RNF220: variants seen among roughly 807,000 people sequenced by gnomAD.
RNF220 encodes ring finger protein 220, also known as E3 ubiquitin-protein ligase RNF220.
Under a neutral mutation model 67.1 loss-of-function variants are expected in RNF220, and 7 were observed. The observed-to-expected ratio is 0.10, with a 90% confidence interval of 0.06 to 0.20. RNF220 has a LOEUF of 0.20. Ranked by LOEUF, RNF220 falls within the 10% of genes least tolerant of loss-of-function variation. The pLI is 1.00. For missense variants in RNF220, 565 were observed against 740.3 expected (o/e 0.76, Z 2.75); for synonymous variants, 270 against 283.2 (o/e 0.95, Z 0.47).
chr1:44,573,901 C>G (rs1467146462), intron 2 of RNF220, among the ~76,000 whole-genome samples: 1 of 152,124 alleles, frequency 6.6e-6, no homozygotes, highest in African/African-American at 2.4e-5. Context: ...ATTGCTTGAG[C>G]CCAGGAGTTC....
At chr1:44,596,054 A>G (rs1033792692) in intron 2 of RNF220, among the ~76,000 whole-genome samples, 6 of 152,160 alleles carry the variant, frequency 3.9e-5, no homozygotes, top group Non-Finnish European at 7.3e-5. Context: ...GTGCGCCGCC[A>G]TGCCTGGCCG....
At chr1:44,537,731 CT>C (rs1477754286) in intron 2 of RNF220, among the ~76,000 whole-genome samples, 2 of 152,224 alleles carry the variant, frequency 1.3e-5, no homozygotes, top group African/African-American at 4.8e-5. Context: ...TCTTTCCATC[CT>C]GACCCACCTC....
chr1:44,640,879 G>A (rs912698258), intron 8 of RNF220, among the ~76,000 whole-genome samples: 4 of 152,178 alleles, frequency 2.6e-5, no homozygotes, highest in South Asian at 4.1e-4. Context: ...GGAGGGCCCC[G>A]AGACGTTTCC....
intron 2 of RNF220, among the ~76,000 whole-genome samples, chr1:44,440,183 C>G (rs1400240797): frequency 6.6e-6 from 1 of 152,212 alleles, no homozygotes; most frequent in Non-Finnish European, 1.5e-5. Flanking sequence ...TTTATTTCAT[C>G]AGTCCCATCA....
intron 2 of RNF220, among the ~76,000 whole-genome samples, chr1:44,591,590 G>T (rs1666117297): frequency 6.6e-6 from 1 of 152,224 alleles, no homozygotes; most frequent in African/African-American, 2.4e-5. Context: ...GTGGTTAGAG[G>T]CATGGCCAGA....
At chr1:44,543,601 G>A (rs1661861150) in intron 2 of RNF220, among the ~76,000 whole-genome samples, 1 of 151,990 alleles carries the variant, frequency 6.6e-6, no homozygotes, top group East Asian at 1.9e-4. Context: ...GCACGGAAGG[G>A]GCTAGTCACA....
intron 2 of RNF220, among the ~76,000 whole-genome samples, chr1:44,559,103 T>G (rs1663352462): frequency 6.6e-6 from 1 of 152,254 alleles, no homozygotes; most frequent in South Asian, 2.1e-4. Context: ...AAGTGCTCAT[T>G]AAACTTGCCT....
chr1:44,429,708 T>A (rs531347986), intron 2 of RNF220, among the ~76,000 whole-genome samples: 4 of 152,358 alleles, frequency 2.6e-5, no homozygotes, highest in African/African-American at 9.6e-5. Context: ...ATTTGTTTGA[T>A]GGCCTACAGT....
intron 2 of RNF220, among the ~76,000 whole-genome samples, chr1:44,495,004 G>A (rs939884566): frequency 2.6e-5 from 4 of 152,094 alleles, no homozygotes; most frequent in African/African-American, 9.7e-5. Flanking sequence ...CTTGAGCCCA[G>A]GAGTTCAAGA....
At chr1:44,406,720 C>A (rs958582835) in intron 1 of RNF220, among the ~76,000 whole-genome samples, 10 of 142,916 alleles carry the variant, frequency 7.0e-5, no homozygotes, top group Non-Finnish European at 1.1e-4. Context: ...CTTTTCAGGG[C>A]TCGGCCTGGG....
At chr1:44,497,693 C>CT (rs1267383362) in intron 2 of RNF220, among the ~76,000 whole-genome samples, 1 of 152,180 alleles carries the variant, frequency 6.6e-6, no homozygotes, top group Non-Finnish European at 1.5e-5. Flanking sequence ...ATCCCCATCC[C>CT]TTTCCTTGGT....
At chr1:44,536,223 G>C (rs532972152) in intron 2 of RNF220, among the ~76,000 whole-genome samples, 123 of 152,260 alleles carry the variant, frequency 8.1e-4, no homozygotes, top group Non-Finnish European at 1.6e-3. Context: ...TGTGTTGTGA[G>C]AGTCCCTTGA....
chr1:44,531,209 G>T (rs1163896743), intron 2 of RNF220, among the ~76,000 whole-genome samples: 1 of 152,090 alleles, frequency 6.6e-6, no homozygotes, highest in East Asian at 1.9e-4. Flanking sequence ...GGTAAATCCG[G>T]GGTCCTCCAG....
intron 2 of RNF220, among the ~76,000 whole-genome samples, chr1:44,451,046 G>T (rs888805448): frequency 5.3e-5 from 8 of 152,136 alleles, no homozygotes; most frequent in Non-Finnish European, 1.0e-4. Context: ...AGCGGGGCGT[G>T]GTGGCGGGCA....
chr1:44,649,774 G>A lies in RNF220; in HGVS notation c.1554+5G>A. The A allele has an allele frequency of 6.2e-7, 1 of 1,613,994 alleles. No individual in the cohort carries two copies. The highest frequency in any genetic ancestry group is 1.7e-5 in the Admixed American group (1 of 60,012). On this transcript the variant is annotated splice_donor_5th_base_variant and intron_variant, in intron 13 of 14. Coordinates refer to ENST00000361799, the MANE Select transcript of RNF220 (RefSeq NM_018150.4). This position sits in a 1 kb window ranked among gnomAD's most constrained non-coding sequence, Gnocchi z 5.9. Reference sequence around the variant, plus strand: ...TACAAATGCCTCATCTGCATGGTGAGTAGAAAAGAACCTAGGGGTGCCCTT... The same window carrying A: ...TACAAATGCCTCATCTGCATGGTGAATAGAAAAGAACCTAGGGGTGCCCTT...
At position 44,483,439 on chromosome 1, in the gene RNF220, G is replaced by A. The variant is rs553041145; in HGVS notation, c.625+70717G>A. 1.8e-4 allele frequency among the ~76,000 whole-genome samples: 27 copies of A among 152,312 alleles called. No individual in the cohort carries two copies. The East Asian group carries it at 5.0e-3, about 28-fold the overall frequency. On this transcript the variant is annotated intron_variant, in intron 2 of 14. Coordinates refer to ENST00000361799, the MANE Select transcript of RNF220 (RefSeq NM_018150.4). ...GCATCTCAACAATGGAGTCAGGAAA[G>A]GGAGAAGTGCCATGCCCATATCAGA...
At chr1:44,472,928 C>A (rs1237347336) in intron 2 of RNF220, among the ~76,000 whole-genome samples, 1 of 152,180 alleles carries the variant, frequency 6.6e-6, no homozygotes, top group Non-Finnish European at 1.5e-5. Flanking sequence ...TTTTGCTTCT[C>A]GGCAGCACTC....
intron 2 of RNF220, among the ~76,000 whole-genome samples, chr1:44,561,985 A>G (rs1042227517): frequency 6.6e-6 from 1 of 152,234 alleles, no homozygotes. Flanking sequence ...AGCTACATTT[A>G]AAGCTAACTT....
chr1:44,477,966 AC>A (rs1655436389), intron 2 of RNF220, among the ~76,000 whole-genome samples: 1 of 151,454 alleles, frequency 6.6e-6, no homozygotes, highest in Admixed American at 6.6e-5. Flanking sequence ...CAATCCCAAG[AC>A]TCCCCCAGTT....
Sources: allele counts gnomAD v4.1 joint callset (sites outside exome capture counted in the v4.1 genomes callset), GRCh38; gene constraint gnomAD v4.1.1; non-coding constraint Gnocchi (gnomAD v3.1); transcripts MANE v1.5; gene names NCBI Gene and HGNC (gene_info 2026-07-23, HGNC 2026-07-21).